SOS1: variants seen among roughly 807,000 people sequenced by gnomAD.
The protein encoded by SOS1 is SOS Ras/Rac guanine nucleotide exchange factor 1.
A neutral mutation model predicts 157.6 loss-of-function variants in SOS1; 25 were observed. That is an observed-to-expected ratio of 0.16 (90% CI 0.12 to 0.22). SOS1 has a LOEUF of 0.22. Among genes scored for constraint, SOS1 ranks in the 10% least tolerant of loss-of-function variants. The probability of loss-of-function intolerance (pLI) is 1.00; values close to 1 mark genes in which losing one functional copy is unlikely to be tolerated. For missense variants in SOS1, 1,237 were observed against 1,599.1 expected, an observed-to-expected ratio of 0.77 and a Z score of 3.86; for synonymous variants, 528 against 534.0, an observed-to-expected ratio of 0.99 and a Z score of 0.16.
At chr2:39,037,293 A>T (rs566985449) in intron 6 of SOS1, among the ~76,000 whole-genome samples, 1 of 152,358 alleles carries the variant, frequency 6.6e-6, no homozygotes, top group Non-Finnish European at 1.5e-5. Flanking sequence ...ATGTGAAGAG[A>T]TGCTTATAGC....
intron 6 of SOS1, among the ~76,000 whole-genome samples, chr2:39,037,621 T>C (rs935753161): frequency 9.2e-5 from 14 of 152,204 alleles, no homozygotes; most frequent in Non-Finnish European, 1.5e-4. Flanking sequence ...ATTGCCTTTT[T>C]TTTTTTTAAC....
At chr2:39,023,837 G>A (rs1406024014) in intron 9 of SOS1, 173 bp downstream of exon 9, 1 of 592,806 alleles carries the variant, frequency 1.7e-6, no homozygotes, top group Non-Finnish European at 3.0e-6. Flanking sequence ...AAATATGAAA[G>A]GTTTTTCAAA....
intron 1 of SOS1, among the ~76,000 whole-genome samples, chr2:39,100,171 T>C (rs1313611547): frequency 6.6e-6 from 1 of 152,122 alleles, no homozygotes; most frequent in Non-Finnish European, 1.5e-5. Context: ...AGATAACAAG[T>C]GTTGGTGAGG....
intron 1 of SOS1, among the ~76,000 whole-genome samples, chr2:39,099,232 T>G (rs1672879550): frequency 6.6e-6 from 1 of 152,132 alleles, no homozygotes. Context: ...ATAAGCAAAA[T>G]GTAGTATACA....
intron 1 of SOS1, among the ~76,000 whole-genome samples, chr2:39,106,357 G>A (rs947442835): frequency 3.9e-4 from 60 of 152,078 alleles, no homozygotes; most frequent in Non-Finnish European, 6.5e-4. Context: ...TTGGGAGGCC[G>A]AGGCGGGCGG....
At chr2:39,053,332 G>C (rs1671088802) in intron 5 of SOS1, among the ~76,000 whole-genome samples, 1 of 152,144 alleles carries the variant, frequency 6.6e-6, no homozygotes, top group Non-Finnish European at 1.5e-5. Context: ...GTATGTCATG[G>C]TTTTAATTTG....
intron 2 of SOS1, among the ~76,000 whole-genome samples, 189 bp downstream of exon 2, chr2:39,067,439 C>T (rs1671626985): frequency 6.6e-6 from 1 of 152,022 alleles, no homozygotes; most frequent in African/African-American, 2.4e-5. Flanking sequence ...AAAAAAACCT[C>T]AAAATCTAAA....
chr2:38,999,333 C>T (rs1046704685), intron 17 of SOS1, among the ~76,000 whole-genome samples: 8 of 152,064 alleles, frequency 5.3e-5, no homozygotes, highest in Admixed American at 1.3e-4. Flanking sequence ...TAGACATAGG[C>T]AAGGGCTGGG....
At chr2:39,038,374 G>T (rs1572843884) in intron 6 of SOS1, among the ~76,000 whole-genome samples, 2 of 152,134 alleles carry the variant, frequency 1.3e-5, no homozygotes, top group East Asian at 3.9e-4. Flanking sequence ...CTGATGATGT[G>T]ACTTGAATTG....
intron 21 of SOS1, among the ~76,000 whole-genome samples, chr2:38,988,033 T>G (rs1282395677): frequency 6.6e-6 from 1 of 152,126 alleles, no homozygotes; most frequent in Non-Finnish European, 1.5e-5. Flanking sequence ...GAGTAGAGTG[T>G]GTGCTCTTAA....
At chr2:39,070,360 T>C (rs1282726267) in intron 1 of SOS1, among the ~76,000 whole-genome samples, 2 of 152,212 alleles carry the variant, frequency 1.3e-5, no homozygotes, top group Non-Finnish European at 2.9e-5. Flanking sequence ...ACTCTTTCCT[T>C]AGTATTAGGA....
chr2:39,119,852 G>T (rs913803001), intron 1 of SOS1, among the ~76,000 whole-genome samples: 2 of 152,166 alleles, frequency 1.3e-5, no homozygotes, highest in African/African-American at 4.8e-5. Flanking sequence ...GAATACTGAC[G>T]GCGAGCAGAG....
chr2:39,075,005 G>C (rs954671818), intron 1 of SOS1, among the ~76,000 whole-genome samples: 2 of 152,126 alleles, frequency 1.3e-5, no homozygotes, highest in African/African-American at 4.8e-5. Flanking sequence ...CTAAGGAGTT[G>C]GGAAGTGATC....
Position 38,986,470 on chromosome 2 carries a change from A to C in SOS1, c.3511-155T>G, listed in dbSNP as rs184425000. ...ATATGTTTTCTTTTTAATTAAAAAA[A>C]AATTTTTTTTTTTGAGACAATGCCT... On this transcript the variant is annotated intron_variant, in intron 22 of 22. Coordinates refer to ENST00000402219, the MANE Select transcript of SOS1 (RefSeq NM_005633.4). Among the ~76,000 whole-genome samples, 317 of 152,084 alleles carry C rather than the reference A, an allele frequency of 2.1e-3. 1 individual carries two copies. The highest frequency in any genetic ancestry group is 7.3e-3 in the African/African-American group (301 of 41,508).
chr2:38,995,305 G>C lies in SOS1; in HGVS notation c.3164C>G (p.Pro1055Arg). 6.2e-7 allele frequency: 1 copy of C among 1,613,876 alleles called. No individual in the cohort carries two copies. The highest frequency in any genetic ancestry group is 8.5e-7 in the Non-Finnish European group (1 of 1,179,814). The change falls in exon 20 of 23, where the codon CCT becomes CGT. Residue 1055 changes from proline (P) to arginine (R), a missense_variant. By Grantham distance (103) the Pro-to-Arg change is moderately radical. This residue lies in a region of SOS1 where 43 missense variants were observed against 83.0 expected (regional missense o/e 0.52). Coordinates refer to ENST00000402219, the MANE Select transcript of SOS1 (RefSeq NM_005633.4). ...PRPGTMRHPT[P>R]LQQEPRKISY... ...AATTTTCCTTGGCTCCTGCTGCAGA[G>C]GTGTGGGATGCCTCATGGTACCTGG...
chr2:39,074,212 C>T (rs1395354168), intron 1 of SOS1, among the ~76,000 whole-genome samples: 2 of 151,942 alleles, frequency 1.3e-5, no homozygotes, highest in African/African-American at 2.4e-5. Flanking sequence ...TAGCCAGGTG[C>T]GGTGGTGCCC....
intron 14 of SOS1, 122 bp downstream of exon 14, chr2:39,012,004 A>G: frequency 1.3e-6 from 1 of 767,882 alleles, no homozygotes; most frequent in Non-Finnish European, 2.3e-6. Flanking sequence ...CCTTATTACT[A>G]GACACTTCAT....
intron 10 of SOS1, among the ~76,000 whole-genome samples, chr2:39,022,021 AAAAT>A (rs910256621): frequency 6.6e-6 from 1 of 151,784 alleles, no homozygotes; most frequent in African/African-American, 2.4e-5. Flanking sequence ...TTGGGTCAGT[AAAAT>A]AAATACACTG....
intron 3 of SOS1, 38 bp downstream of exon 3, chr2:39,058,635 T>C: frequency 6.2e-7 from 1 of 1,605,556 alleles, no homozygotes; most frequent in Non-Finnish European, 8.5e-7. Context: ...GGTTTTATTT[T>C]TCCCTTAAAA....
Sources: gnomAD v4.1 joint callset for allele counts (sites outside exome capture counted in the v4.1 genomes callset) on GRCh38, gnomAD v4.1.1 for gene constraint, gnomAD v4.1.1 regional missense constraint, MANE v1.5 for transcripts, NCBI Gene and HGNC (gene_info 2026-07-23, HGNC 2026-07-21) for gene names.